WWOX: variants seen among roughly 807,000 people sequenced by gnomAD.
WWOX encodes WW domain containing oxidoreductase.
Under a neutral mutation model 46.2 loss-of-function variants are expected in WWOX, and 69 were observed. The observed-to-expected ratio is 1.49, with a 90% CI of 1.23 to 1.82. The LOEUF (loss-of-function observed/expected upper bound fraction) is 1.82, where lower values mean the gene tolerates loss of function less well. Among genes scored for constraint, WWOX ranks in the 40% most tolerant of loss-of-function variants. WWOX has a pLI of 0.00. For synonymous variants in WWOX, 359 were observed against 202.6 expected (o/e 1.77, Z -6.56); for missense variants, 919 against 542.6 (o/e 1.69, Z -6.89).
intron 8 of WWOX, among the ~76,000 whole-genome samples, chr16:78,638,550 C>T (rs545247695): frequency 2.0e-5 from 3 of 152,140 alleles, no homozygotes; most frequent in Non-Finnish European, 2.9e-5. Flanking sequence ...TTCTGAATGA[C>T]CCTGTTAATT....
intron 8 of WWOX, among the ~76,000 whole-genome samples, chr16:78,640,517 A>G (rs1029031715): frequency 6.6e-6 from 1 of 152,082 alleles, no homozygotes; most frequent in Non-Finnish European, 1.5e-5. Context: ...TTTGCATCCG[A>G]AACAACCACC....
chr16:78,215,691 G>A (rs57268933), intron 5 of WWOX, among the ~76,000 whole-genome samples: 14,549 of 152,140 alleles, frequency 0.096, 836 homozygotes, highest in Admixed American at 0.17. Flanking sequence ...ACTTTAGGAG[G>A]CCGAGGCAGA....
At chr16:79,063,131 C>G (rs747542968) in intron 8 of WWOX, among the ~76,000 whole-genome samples, 1 of 152,148 alleles carries the variant, frequency 6.6e-6, no homozygotes, top group Admixed American at 6.5e-5. Flanking sequence ...GAGCTATTTC[C>G]CCACTTCTGC....
intron 5 of WWOX, among the ~76,000 whole-genome samples, chr16:78,289,976 A>G (rs1320103317): frequency 6.6e-6 from 1 of 152,218 alleles, no homozygotes; most frequent in Admixed American, 6.5e-5. Context: ...TCAGAAGTAC[A>G]TCAGCCCGTG....
In WWOX at chr16:78,914,813, A is replaced by G. The variant is rs548200833; in HGVS notation, c.1057-296795A>G. Among the ~76,000 whole-genome samples the G allele has an allele frequency of 2.2e-3, 321 of 142,960 alleles. 3 individuals carry two copies. The highest frequency in any genetic ancestry group is 8.9e-3 in the South Asian group (39 of 4,362). 93.8% of individuals were successfully genotyped at this position (142,960 alleles called of 152,430 possible). A position where few individuals can be genotyped will look rare whatever the true frequency, so the allele number is the denominator to read the frequency against. ...AGAATGGCGTGAACCCAGGAGGCGGAGCTTGCAGTGAGCCAGGATCGCGCC... is the reference window on the plus strand; with the variant it reads ...AGAATGGCGTGAACCCAGGAGGCGGGGCTTGCAGTGAGCCAGGATCGCGCC... On this transcript the variant is annotated intron_variant, in intron 8 of 8. Coordinates refer to ENST00000566780, the MANE Select transcript of WWOX (RefSeq NM_016373.4).
chr16:78,541,345 G>A (rs2043888563), intron 8 of WWOX, among the ~76,000 whole-genome samples: 1 of 150,348 alleles, frequency 6.7e-6, no homozygotes, highest in Non-Finnish European at 1.5e-5. Context: ...GTAGTGGCGG[G>A]CACCTGTAGT....
At position 78,108,486 on chromosome 16, in the gene WWOX, A is replaced by C. The variant is rs775300099; in HGVS notation, c.171A>C (p.Gly57=). The C allele has an allele frequency of 1.2e-6, 2 of 1,613,318 alleles. No homozygotes were observed. The highest frequency in any genetic ancestry group is 2.2e-5 in the South Asian group (2 of 91,070). ...PKTGKRKRVA[G]DLPYGWEQET... The stretch of plus-strand genomic sequence containing the variant: ...CTGGAAAAAGAAAACGAGTGGCAGG[A>C]GGTTTGTATGTTGTTGTCTAAGGAT... The change falls in exon 2 of 9, where the codon GGA becomes GGC. Residue 57 remains glycine (G), a splice_region_variant and synonymous_variant. Transcript: ENST00000566780.
At chr16:78,413,854 G>T (rs1234042204) in intron 6 of WWOX, among the ~76,000 whole-genome samples, 1 of 151,858 alleles carries the variant, frequency 6.6e-6, no homozygotes, top group Non-Finnish European at 1.5e-5. Context: ...TGGTGCAATG[G>T]CTTACCCCTG....
chr16:78,908,852 G>C (rs1408269620), intron 8 of WWOX, among the ~76,000 whole-genome samples: 3 of 152,178 alleles, frequency 2.0e-5, no homozygotes, highest in Non-Finnish European at 2.9e-5. Flanking sequence ...AAGTACTGAT[G>C]TTCGGTTTTA....
intron 5 of WWOX, among the ~76,000 whole-genome samples, chr16:78,208,767 T>C (rs966531082): frequency 6.6e-6 from 1 of 152,228 alleles, no homozygotes; most frequent in Non-Finnish European, 1.5e-5. Flanking sequence ...CTTTGTAATG[T>C]TTATTTTAAA....
intron 8 of WWOX, among the ~76,000 whole-genome samples, chr16:78,558,811 C>G (rs939620988): frequency 2.6e-5 from 4 of 152,218 alleles, no homozygotes; most frequent in Admixed American, 6.5e-5. Flanking sequence ...CTTCACCAAA[C>G]CAAGTGGCTC....
intron 8 of WWOX, among the ~76,000 whole-genome samples, chr16:78,560,963 C>G (rs1334650633): frequency 1.3e-5 from 2 of 152,170 alleles, no homozygotes; most frequent in Non-Finnish European, 2.9e-5. Flanking sequence ...GAAGCCTAGA[C>G]ACAATGTGAC....
intron 8 of WWOX, among the ~76,000 whole-genome samples, chr16:79,042,477 G>T (rs1025699245): frequency 2.0e-5 from 3 of 152,104 alleles, no homozygotes; most frequent in Non-Finnish European, 4.4e-5. Flanking sequence ...AGTGTAAATT[G>T]GTCAGCCTGA....
At chr16:78,628,929 A>G (rs949387319) in intron 8 of WWOX, among the ~76,000 whole-genome samples, 3 of 152,106 alleles carry the variant, frequency 2.0e-5, no homozygotes, top group South Asian at 2.1e-4. Flanking sequence ...TACAAGAGGC[A>G]TATTTAGGAG....
chr16:78,498,477 T>G (rs2084975192), intron 8 of WWOX, among the ~76,000 whole-genome samples: 1 of 152,050 alleles, frequency 6.6e-6, no homozygotes, highest in Admixed American at 6.6e-5. Context: ...ATGATAAAAC[T>G]CTACCCACTG....
intron 5 of WWOX, among the ~76,000 whole-genome samples, chr16:78,173,553 C>T (rs2035233294): frequency 6.6e-6 from 1 of 151,670 alleles, no homozygotes; most frequent in African/African-American, 2.4e-5. Context: ...CTGCCTGGGT[C>T]TCCCAAAGTG....
chr16:78,619,510 C>T (rs138530330), intron 8 of WWOX, among the ~76,000 whole-genome samples: 194 of 151,904 alleles, frequency 1.3e-3, no homozygotes, highest in Middle Eastern at 6.8e-3. Flanking sequence ...CCAACCTCCT[C>T]CTATCCCCTT....
intron 8 of WWOX, among the ~76,000 whole-genome samples, chr16:78,880,167 G>T (rs1016524475): frequency 1.3e-5 from 2 of 152,154 alleles, no homozygotes; most frequent in Non-Finnish European, 2.9e-5. Flanking sequence ...GATCAAATCA[G>T]ACATCAGAAA....
chr16:78,438,528 G>C (rs766207874), intron 8 of WWOX, among the ~76,000 whole-genome samples: 1 of 151,662 alleles, frequency 6.6e-6, no homozygotes, highest in Non-Finnish European at 1.5e-5. Context: ...GGTCCAAGCC[G>C]GTCCTTTGTG....
Sources: gnomAD v4.1 joint callset for allele counts (sites outside exome capture counted in the v4.1 genomes callset) on GRCh38, gnomAD v4.1.1 for gene constraint, MANE v1.5 for transcripts, NCBI Gene and HGNC (gene_info 2026-07-23, HGNC 2026-07-21) for gene names.